PFKL: variants seen among roughly 807,000 people sequenced by gnomAD.
PFKL encodes phosphofructokinase, liver type, also known as ATP-dependent 6-phosphofructokinase, liver type.
A neutral mutation model predicts 92.1 loss-of-function variants in PFKL; 74 were observed. The observed-to-expected ratio is 0.80, with a 90% CI of 0.67 to 0.97. The LOEUF (loss-of-function observed/expected upper bound fraction) is 0.97, where lower values mean the gene tolerates loss of function less well. PFKL is among the 50% of genes least tolerant of loss of function. The pLI is 0.00. For missense variants in PFKL, 1,028 were observed against 1,116.6 expected, an observed-to-expected ratio of 0.92 and a Z score of 1.13; for synonymous variants, 494 against 456.4, an observed-to-expected ratio of 1.08 and a Z score of -1.05.
Position 44,325,734 on chromosome 21 carries a change from G to A in PFKL, c.1990-227G>A, listed in dbSNP as rs546272266. The A allele has an allele frequency of 2.4e-3, 1,376 of 564,676 alleles. 3 individuals carry two copies. The highest frequency in any genetic ancestry group is 3.5e-3 in the Non-Finnish European group (1,116 of 315,764). The allele number at this position is 564,676 out of a possible 1,614,324, so 35.0% of individuals were successfully genotyped here. On this transcript the variant is annotated intron_variant, in intron 19 of 21. Coordinates refer to ENST00000349048, the MANE Select transcript of PFKL (RefSeq NM_002626.6). ...CAGGAGTCACTTGACTTGGCCAGGG[G>A]CAGCCGACTGCCGGCCTCGGGAGGC...
chr21:44,312,314 A>G lies in PFKL; in HGVS notation c.427+20A>G, dbSNP rs145676859. On this transcript the variant is annotated intron_variant, in intron 4 of 21. Transcript: ENST00000349048. ...CGGAAGGTGGGTCTGTGCCCGGCGC[A>G]CTGTAGGCCCTGGGGTTTTGTTTTG... 2.7e-5 allele frequency: 42 copies of G among 1,561,622 alleles called. 1 individual carries two copies. In the Middle Eastern group the frequency reaches 1.0e-3, roughly 38 times the overall value.
chr21:44,321,865 C>A lies in PFKL; in HGVS notation c.1328C>A (p.Ala443Asp). The change falls in exon 13 of 22, where the codon GCC becomes GAC. Residue 443 changes from alanine to aspartate, a missense_variant. Physicochemically the swap from Ala to Asp is moderately radical, Grantham distance 126 (BLOSUM62 -2). Transcript: ENST00000349048. Reference protein sequence around the residue: ...YVVHDGFEGLAKGQVQEVGWH... With the variant: ...YVVHDGFEGLDKGQVQEVGWH... ...GTGCACGATGGCTTCGAAGGCCTAGCCAAGGGTCAGGTGGGTCCGGCCGGG... is the reference window on the plus strand; with the variant it reads ...GTGCACGATGGCTTCGAAGGCCTAGACAAGGGTCAGGTGGGTCCGGCCGGG... 6.5e-7 allele frequency: 1 copy of A among 1,548,774 alleles called. No homozygotes were observed. Among genetic ancestry groups the A allele is most frequent in the Non-Finnish European group, 8.7e-7 (1 of 1,144,266 alleles).
chr21:44,316,553 C>T lies in PFKL; in HGVS notation c.936+29C>T, dbSNP rs376259773. Reference sequence around the variant, plus strand: ...AGTGGCCATCACCCTGCCCTGCGTACGTGCGTGGGTAAGCGTGGTGTGTGG... The same window carrying T: ...AGTGGCCATCACCCTGCCCTGCGTATGTGCGTGGGTAAGCGTGGTGTGTGG... On this transcript the variant is annotated intron_variant, in intron 9 of 21. Transcript: ENST00000349048. 5.3e-5 allele frequency: 81 copies of T among 1,530,040 alleles called. No homozygotes were observed. The African/African-American group carries it at 6.1e-4, about 12-fold the overall frequency. The allele number at this position is 1,530,040 out of a possible 1,614,324, so 94.8% of individuals were successfully genotyped here. A position where few individuals can be genotyped will look rare whatever the true frequency, so the allele number is the denominator to read the frequency against.
intron 19 of PFKL, chr21:44,325,465 G>GGAGCCGGGGCCC (rs1448702816): frequency 5.1e-6 from 3 of 588,248 alleles, no homozygotes; most frequent in Admixed American, 3.0e-5. Flanking sequence ...GGCTGGGGCT[G>GGAGCCGGGGCCC]GAGCCGGGGC....
In PFKL at chr21:44,313,019, A is replaced by G; in HGVS notation, c.469A>G (p.Asn157Asp). The G allele has an allele frequency of 6.2e-7, 1 of 1,613,118 alleles. No individual in the cohort carries two copies. The highest frequency in any genetic ancestry group is 8.5e-7 in the Non-Finnish European group (1 of 1,179,922). ...TACAGCCCGGACCTACTCGCACCTG[A>G]ACATCGCGGGCCTAGTGGGCTCCAT... is the stretch of plus-strand genomic sequence containing the variant. ...ETTARTYSHL[N>D]IAGLVGSIDN... Residue 157 changes from asparagine to aspartate, a missense_variant, in exon 5 of 22, where the codon AAC becomes GAC. By Grantham distance (23) the Asn-to-Asp change is conservative. Coordinates refer to ENST00000349048, the MANE Select transcript of PFKL (RefSeq NM_002626.6).
chr21:44,324,951 G>A (rs151152841), intron 18 of PFKL, 34 bp downstream of exon 18: 118 of 1,569,458 alleles, frequency 7.5e-5, no homozygotes, highest in African/African-American at 5.4e-4. Context: ...CCACAGCTGC[G>A]CGTCCAACTC....
At position 44,323,033 on chromosome 21, in the gene PFKL, T is replaced by TGGTC. The variant is rs2047399219; in HGVS notation, c.1485_1488dup (p.Gly497ArgfsTer4). 6.2e-7 allele frequency: 1 copy of TGGTC among 1,613,008 alleles called. No individual in the cohort carries two copies. Among genetic ancestry groups the TGGTC allele is most frequent in the African/African-American group, 1.3e-5 (1 of 74,930 alleles). ...ATCTATGGTATTCACGCCCTGCTGG[T>TGGTC]GGTCGGTGGGTTTGAGGTGAGAGCT... On this transcript the variant is annotated frameshift_variant, in exon 15 of 22. Transcript: ENST00000349048. LOFTEE classifies it high-confidence loss of function.
intron 2 of PFKL, among the ~76,000 whole-genome samples, 186 bp downstream of exon 2, chr21:44,306,940 G>C (rs1357542963): frequency 6.6e-6 from 1 of 152,178 alleles, no homozygotes; most frequent in Non-Finnish European, 1.5e-5. Context: ...GCAGAAAGAA[G>C]ACCTACTGCC....
At chr21:44,326,372 A>T (rs902383524) in intron 21 of PFKL, 108 bp downstream of exon 21, 1 of 839,566 alleles carries the variant, frequency 1.2e-6, no homozygotes, top group Non-Finnish European at 1.9e-6. Flanking sequence ...TGACCCCGCA[A>T]GGCCTCCTGG....
chr21:44,322,688 C>T (rs567572710), intron 14 of PFKL, among the ~76,000 whole-genome samples: 7 of 152,308 alleles, frequency 4.6e-5, no homozygotes, highest in African/African-American at 1.2e-4. Context: ...GAGAAAGCCT[C>T]GGGCAGGAAG....
At chr21:44,311,341 TACAG>T (rs982361526) in intron 3 of PFKL, among the ~76,000 whole-genome samples, 4 of 141,078 alleles carry the variant, frequency 2.8e-5, no homozygotes, top group South Asian at 2.3e-4. Flanking sequence ...CATGCACACA[TACAG>T]ACACACAGAC....
Position 44,326,733 on chromosome 21 carries a change from G to T in PFKL, c.2214G>T (p.Glu738Asp), listed in dbSNP as rs1045428133. The T allele has an allele frequency of 1.2e-6, 2 of 1,611,720 alleles. No homozygotes were observed. The highest frequency in any genetic ancestry group is 1.7e-6 in the Non-Finnish European group (2 of 1,179,458). Residue 738 changes from glutamate (E) to aspartate (D), a missense_variant, in exon 22 of 22, where the codon GAG becomes GAT. Coordinates refer to ENST00000349048, the MANE Select transcript of PFKL (RefSeq NM_002626.6). The part of the protein sequence containing the change: ...DTDFEHRMPR[E>D]QWWLSLRLML... ...TGCACAGGCACCGCATGCCACGGGA[G>T]CAGTGGTGGCTGAGCCTGCGGCTCA...
At chr21:44,318,265 G>A (rs2047262691) in intron 9 of PFKL, among the ~76,000 whole-genome samples, 1 of 152,260 alleles carries the variant, frequency 6.6e-6, no homozygotes, top group African/African-American at 2.4e-5. Context: ...TTCCAGCAGG[G>A]CAGCGAGGAC....
Position 44,300,168 on chromosome 21 carries a change from G to T in PFKL, c.63G>T (p.Leu21=). ...GCGCGGGCAAGGCCATCGGCGTCCT[G>T]ACCAGCGGCGGCGACGCGCAAGGTG... ...ASGAGKAIGV[L]TSGGDAQGMN... The change falls in exon 1 of 22, where the codon CTG becomes CTT. Residue 21 remains leucine (L), a synonymous_variant. Transcript: ENST00000349048. 8.6e-7 allele frequency: 1 copy of T among 1,165,768 alleles called. No individual in the cohort carries two copies. The highest frequency in any genetic ancestry group is 1.7e-5 in the African/African-American group (1 of 60,534). The allele number at this position is 1,165,768 out of a possible 1,614,324, so 72.2% of individuals were successfully genotyped here. A position where few individuals can be genotyped will look rare whatever the true frequency, so the allele number is the denominator to read the frequency against.
intron 20 of PFKL, 33 bp from the exon 21 acceptor site, chr21:44,326,126 C>T: frequency 6.2e-7 from 1 of 1,606,910 alleles, no homozygotes; most frequent in African/African-American, 1.3e-5. Context: ...CAGGGCCTCA[C>T]CATGGAGGGC....
At chr21:44,323,646 C>T (rs1275448791) in intron 15 of PFKL, 120 bp from the exon 16 acceptor site, 19 of 1,105,852 alleles carry the variant, frequency 1.7e-5, no homozygotes, top group Admixed American at 1.6e-4. Context: ...TCCTGGCGTC[C>T]AGCACGGGGC....
chr21:44,313,857 A>G, intron 6 of PFKL, 56 bp from the exon 7 acceptor site: 1 of 1,428,484 alleles, frequency 7.0e-7, no homozygotes, highest in Non-Finnish European at 9.6e-7. Flanking sequence ...GGTACAGGGA[A>G]GCTCCCCTCA....
chr21:44,318,711 G>C, intron 10 of PFKL, 116 bp downstream of exon 10: 1 of 933,036 alleles, frequency 1.1e-6, no homozygotes, highest in Non-Finnish European at 1.5e-6. Context: ...GCAGGGCCTC[G>C]TGGCTGGCCC....
At chr21:44,322,043 C>T (rs533572719) in intron 13 of PFKL, 90 bp from the exon 14 acceptor site, 2 of 1,489,260 alleles carry the variant, frequency 1.3e-6, no homozygotes, top group East Asian at 2.3e-5. Flanking sequence ...TGATGCCCAA[C>T]ACTGGCTGGC....
Sources: allele counts gnomAD v4.1 joint callset (sites outside exome capture counted in the v4.1 genomes callset), GRCh38; gene constraint gnomAD v4.1.1; transcripts MANE v1.5; gene names NCBI Gene and HGNC (gene_info 2026-07-23, HGNC 2026-07-21).